ADGRL3: variants seen among roughly 807,000 people sequenced by gnomAD.
ADGRL3 encodes calcium-independent alpha-latrotoxin receptor 3.
In ADGRL3, 62 loss-of-function variants were observed where a neutral mutation model predicts 153.5. The ratio of observed to expected loss-of-function variants is 0.40; its 90% CI spans 0.33 to 0.50. The LOEUF is 0.50. ADGRL3 is among the 20% of genes least tolerant of loss of function. The probability of loss-of-function intolerance (pLI) is 0.47; values close to 1 mark genes in which losing one functional copy is unlikely to be tolerated. For missense variants in ADGRL3, 1,641 were observed against 1,859.4 expected (o/e 0.88, Z 2.16); for synonymous variants, 710 against 672.5 (o/e 1.06, Z -0.86).
rs111934791 is a variant in ADGRL3 at position 61,653,155 on chromosome 4, C to G, written c.474-23671C>G. On this transcript the variant is annotated intron_variant, in intron 5 of 26. Coordinates refer to ENST00000683033, the MANE Select transcript of ADGRL3 (RefSeq NM_001387552.1). Reference sequence around the variant, plus strand: ...CCTCTCTCTCTCTCTCTCTCTGTCTCTCTCTCTCTCTCTCTCACACACACA... The same window carrying G: ...CCTCTCTCTCTCTCTCTCTCTGTCTGTCTCTCTCTCTCTCTCACACACACA... Among the ~76,000 whole-genome samples, 378 of 134,284 alleles carry G rather than the reference C, an allele frequency of 2.8e-3. 1 individual carries two copies. The highest frequency in any genetic ancestry group is 0.012 in the Middle Eastern group (3 of 260). 88.1% of individuals were successfully genotyped at this position (134,284 alleles called of 152,430 possible).
intron 8 of ADGRL3, among the ~76,000 whole-genome samples, chr4:61,786,534 G>A (rs545169286): frequency 1.3e-5 from 2 of 152,278 alleles, no homozygotes; most frequent in South Asian, 4.1e-4. Context: ...AAGAGGAGAT[G>A]CAAGGTATTT....
chr4:61,205,733 C>T (rs542584972), intron 1 of ADGRL3, among the ~76,000 whole-genome samples: 146 of 152,076 alleles, frequency 9.6e-4, no homozygotes, highest in Middle Eastern at 6.8e-3. Context: ...TGTGTTTTGT[C>T]GGGTAGGGTA....
At chr4:62,033,303 A>G (rs527488868) in intron 23 of ADGRL3, among the ~76,000 whole-genome samples, 11 of 151,862 alleles carry the variant, frequency 7.2e-5, no homozygotes, top group African/African-American at 2.6e-4. Flanking sequence ...TACCACCTAA[A>G]CTGCAAGGGA....
At chr4:61,973,901 A>C (rs2099038467) in intron 17 of ADGRL3, among the ~76,000 whole-genome samples, 2 of 152,124 alleles carry the variant, frequency 1.3e-5, no homozygotes, top group African/African-American at 4.8e-5. Flanking sequence ...GGTAATCAAG[A>C]TGCAATTCAG....
At chr4:61,447,025 A>G (rs1290554238) in intron 2 of ADGRL3, among the ~76,000 whole-genome samples, 1 of 152,002 alleles carries the variant, frequency 6.6e-6, no homozygotes, top group Non-Finnish European at 1.5e-5. Context: ...TGCTCAGTTA[A>G]TTTGGATCCT....
At chr4:61,255,291 G>A (rs571152028) in intron 1 of ADGRL3, among the ~76,000 whole-genome samples, 133 of 152,264 alleles carry the variant, frequency 8.7e-4, no homozygotes, top group Non-Finnish European at 1.6e-3. Context: ...AGACTGATGC[G>A]CTAGAGTTTT....
intron 1 of ADGRL3, among the ~76,000 whole-genome samples, chr4:61,348,264 T>G (rs1351841498): frequency 6.6e-6 from 1 of 152,060 alleles, no homozygotes; most frequent in Non-Finnish European, 1.5e-5. Context: ...ATGCATTATT[T>G]TGATTATGTT....
intron 1 of ADGRL3, among the ~76,000 whole-genome samples, chr4:61,308,339 A>G (rs1205581615): frequency 6.6e-6 from 1 of 152,210 alleles, no homozygotes; most frequent in Non-Finnish European, 1.5e-5. Flanking sequence ...GAAGTACACC[A>G]GCACTTCCCT....
intron 4 of ADGRL3, among the ~76,000 whole-genome samples, chr4:61,536,679 C>CT: frequency 6.6e-6 from 1 of 151,926 alleles, no homozygotes; most frequent in Admixed American, 6.5e-5. Flanking sequence ...TTTAAAGTGT[C>CT]TTTTAATTGA....
chr4:61,232,312 A>ATT (rs71664985), intron 1 of ADGRL3, among the ~76,000 whole-genome samples: 64 of 147,242 alleles, frequency 4.3e-4, no homozygotes, highest in Admixed American at 2.1e-3. Flanking sequence ...ATGTCACTTC[A>ATT]TTTTTTTTTT....
intron 9 of ADGRL3, among the ~76,000 whole-genome samples, chr4:61,887,941 G>A (rs540437795): frequency 1.3e-5 from 2 of 152,258 alleles, no homozygotes; most frequent in African/African-American, 4.8e-5. Context: ...TACTCCACAA[G>A]TTATAACTCG....
intron 25 of ADGRL3, among the ~76,000 whole-genome samples, chr4:62,067,721 T>C (rs1408927323): frequency 6.6e-6 from 1 of 152,094 alleles, no homozygotes; most frequent in Non-Finnish European, 1.5e-5. Flanking sequence ...AAGCTTCAGA[T>C]TTTATTTATA....
At chr4:61,914,061 G>T (rs2098734180) in intron 13 of ADGRL3, among the ~76,000 whole-genome samples, 1 of 152,078 alleles carries the variant, frequency 6.6e-6, no homozygotes, top group Non-Finnish European at 1.5e-5. Context: ...AAATATTGAT[G>T]AATAAATGTT....
At chr4:61,487,741 G>A (rs989728592) in intron 2 of ADGRL3, among the ~76,000 whole-genome samples, 1 of 151,830 alleles carries the variant, frequency 6.6e-6, no homozygotes, top group African/African-American at 2.4e-5. Context: ...TTCATAACTA[G>A]TTATCATGAA....
chr4:61,221,534 A>T (rs762365037), intron 1 of ADGRL3, among the ~76,000 whole-genome samples: 3 of 152,194 alleles, frequency 2.0e-5, no homozygotes, highest in Non-Finnish European at 2.9e-5. Flanking sequence ...TTGAAAGGAC[A>T]TAAAAACCCT....
chr4:61,981,774 G>T (rs146627074), intron 18 of ADGRL3, among the ~76,000 whole-genome samples: 2 of 152,050 alleles, frequency 1.3e-5, no homozygotes, highest in African/African-American at 4.8e-5. Flanking sequence ...TAAATAGTTC[G>T]CTTACTTAAT....
intron 3 of ADGRL3, among the ~76,000 whole-genome samples, chr4:61,502,496 T>C (rs2098397787): frequency 1.3e-5 from 2 of 151,976 alleles, no homozygotes; most frequent in South Asian, 2.1e-4. Flanking sequence ...TTTTTTTTTT[T>C]TTTCTGCAAT....
At position 62,071,121 on chromosome 4, in the gene ADGRL3, C is replaced by A; in HGVS notation, c.*213C>A. The A allele has an allele frequency of 2.1e-6, 1 of 472,446 alleles. No individual in the cohort carries two copies. The highest frequency in any genetic ancestry group is 4.3e-5 in the South Asian group (1 of 23,500). 29.3% of individuals were successfully genotyped at this position (472,446 alleles called of 1,614,324 possible). A position where few individuals can be genotyped will look rare whatever the true frequency, so the allele number is the denominator to read the frequency against. Reference sequence around the variant, plus strand: ...TGCTAAAATTCCCCTGTACCCCATCCTTTCTTGTCCTTTCCCCTTCAGATG... The same window carrying A: ...TGCTAAAATTCCCCTGTACCCCATCATTTCTTGTCCTTTCCCCTTCAGATG... On this transcript the variant is annotated 3_prime_UTR_variant, in exon 27 of 27. Coordinates refer to ENST00000683033, the MANE Select transcript of ADGRL3 (RefSeq NM_001387552.1).
chr4:61,807,762 G>C (rs942857534), intron 8 of ADGRL3, among the ~76,000 whole-genome samples: 1 of 152,114 alleles, frequency 6.6e-6, no homozygotes, highest in African/African-American at 2.4e-5. Flanking sequence ...ATAATTTACA[G>C]ATGAAATTAT....
Sources: gnomAD v4.1 joint callset for allele counts (sites outside exome capture counted in the v4.1 genomes callset) on GRCh38, gnomAD v4.1.1 for gene constraint, MANE v1.5 for transcripts, NCBI Gene and HGNC (gene_info 2026-07-23, HGNC 2026-07-21) for gene names.